The following DACH2 variants were observed in gnomAD, a reference collection of about 807,000 sequenced individuals.
DACH2 encodes dachshund family transcription factor 2.
A neutral mutation model predicts 35.8 loss-of-function variants in DACH2; 17 were observed. The observed-to-expected ratio is 0.48, with a 90% CI of 0.33 to 0.71. The LOEUF (loss-of-function observed/expected upper bound fraction) is 0.71, where lower values mean the gene tolerates loss of function less well. DACH2 is among the 30% of genes least tolerant of loss of function. The pLI is 0.02. For missense variants in DACH2, 469 were observed against 472.7 expected (o/e 0.99, Z 0.07); for synonymous variants, 195 against 177.3 (o/e 1.10, Z -0.79).
chrX:86,191,192 G>C (rs759925689), intron 1 of DACH2, among the ~76,000 whole-genome samples: 1 of 111,527 alleles, frequency 9.0e-6, no homozygotes, highest in South Asian at 3.8e-4. Flanking sequence ...GTTCATTCCA[G>C]CACCATTCAT....
chrX:86,501,502 C>A (rs1042701583), intron 2 of DACH2, among the ~76,000 whole-genome samples: 4 of 111,743 alleles, frequency 3.6e-5, no homozygotes, highest in Non-Finnish European at 7.5e-5. Context: ...AAAACCCCTT[C>A]CTTTCCTCAG....
chrX:86,738,252 T>C (rs931484428), intron 6 of DACH2, among the ~76,000 whole-genome samples: 1 of 111,719 alleles, frequency 9.0e-6, no homozygotes, highest in Admixed American at 9.6e-5. Context: ...GGAGGTGGCA[T>C]CACTGTGCCC....
intron 1 of DACH2, among the ~76,000 whole-genome samples, chrX:86,191,402 C>T (rs1051393705): frequency 9.0e-6 from 1 of 111,408 alleles, no homozygotes; most frequent in Non-Finnish European, 1.9e-5. Context: ...TGCATGTTCT[C>T]ACTTATAAGT....
At chrX:86,229,740 G>A (rs1246101008) in intron 1 of DACH2, among the ~76,000 whole-genome samples, 3 of 108,583 alleles carry the variant, frequency 2.8e-5, no homozygotes, top group Non-Finnish European at 3.8e-5. Flanking sequence ...TTGTGAAAGG[G>A]GTTGAGTTAT....
chrX:86,307,082 T>A (rs2034703659), intron 1 of DACH2, among the ~76,000 whole-genome samples: 1 of 112,008 alleles, frequency 8.9e-6, no homozygotes, highest in South Asian at 3.7e-4. Context: ...TTAGTGACTC[T>A]ACACATAATA....
intron 1 of DACH2, among the ~76,000 whole-genome samples, chrX:86,186,014 G>T: frequency 8.9e-6 from 1 of 112,492 alleles, no homozygotes; most frequent in Non-Finnish European, 1.9e-5. Context: ...TTTATTGCTA[G>T]TATCTTTTTA....
At chrX:86,150,310 TA>T (rs900160546) in intron 1 of DACH2, among the ~76,000 whole-genome samples, 2 of 111,825 alleles carry the variant, frequency 1.8e-5, no homozygotes, top group African/African-American at 6.5e-5. Flanking sequence ...AAAAATAAAA[TA>T]AAAAACCAAC....
At chrX:86,359,608 G>A (rs757819540) in intron 1 of DACH2, among the ~76,000 whole-genome samples, 1 of 110,886 alleles carries the variant, frequency 9.0e-6, no homozygotes, top group African/African-American at 3.3e-5. Context: ...AATTAACTGC[G>A]TACAGTGGTG....
rs1423583915 is a variant in DACH2, at chrX:86,359,089, G to A, written c.489-17735G>A. 8.5e-5 allele frequency among the ~76,000 whole-genome samples: 9 copies of A among 105,975 alleles called. No individual in the cohort carries two copies. The East Asian group carries it at 1.2e-3, about 14-fold the overall frequency. The allele number at this position is 105,975 out of a possible 115,157, so 92.0% of individuals were successfully genotyped here. ...ATAGAACCATTATATTTTGTCGTGT[G>A]TGTGTGTGTGTGTGTGTGTGTGTGT... is the stretch of plus-strand genomic sequence containing the variant. On this transcript the variant is annotated intron_variant, in intron 1 of 11. Transcript: ENST00000373125.
intron 7 of DACH2, among the ~76,000 whole-genome samples, chrX:86,772,381 C>A (rs1239250594): frequency 9.0e-6 from 1 of 111,294 alleles, no homozygotes; most frequent in Non-Finnish European, 1.9e-5. Flanking sequence ...GGTTTACAAA[C>A]CTAGTTTATT....
chrX:86,392,349 C>T (rs1388842957), intron 2 of DACH2, among the ~76,000 whole-genome samples: 1 of 111,354 alleles, frequency 9.0e-6, no homozygotes, highest in East Asian at 2.8e-4. Flanking sequence ...CACAAAGATA[C>T]CAACTATGAG....
intron 3 of DACH2, among the ~76,000 whole-genome samples, chrX:86,541,341 G>T (rs760324942): frequency 1.8e-5 from 2 of 110,984 alleles, no homozygotes; most frequent in South Asian, 7.4e-4. Flanking sequence ...GGCTCATTGT[G>T]GTCCATGTCT....
chrX:86,782,007 A>C (rs1266578198), intron 7 of DACH2, among the ~76,000 whole-genome samples: 1 of 112,423 alleles, frequency 8.9e-6, no homozygotes, highest in Non-Finnish European at 1.9e-5. Flanking sequence ...AAAGTAAACA[A>C]ACAAAAAGCA....
chrX:86,610,422 C>CTTTCTTTCTTTCTT (rs2039926899), intron 3 of DACH2, among the ~76,000 whole-genome samples: 6 of 45,888 alleles, frequency 1.3e-4, no homozygotes, highest in Middle Eastern at 0.01. Context: ...TCTTTCTTTT[C>CTTTCTTTCTTTCTT]TTTCTTTCTT....
intron 1 of DACH2, among the ~76,000 whole-genome samples, chrX:86,250,923 T>C (rs773883049): frequency 9.0e-6 from 1 of 111,456 alleles, no homozygotes; most frequent in South Asian, 3.8e-4. Flanking sequence ...ATCTCACTGC[T>C]GTTGTCTTAA....
chrX:86,613,771 A>G (rs769370099), intron 3 of DACH2, among the ~76,000 whole-genome samples: 45 of 111,760 alleles, frequency 4.0e-4, no homozygotes, highest in Non-Finnish European at 3.6e-4. Context: ...ATATATAAGC[A>G]TACATATCAA....
chrX:86,529,862 C>A (rs980296031), intron 3 of DACH2, among the ~76,000 whole-genome samples: 3 of 109,028 alleles, frequency 2.8e-5, no homozygotes, highest in Non-Finnish European at 3.8e-5. Context: ...TATCCCTTAA[C>A]GTAATGACCT....
intron 3 of DACH2, among the ~76,000 whole-genome samples, chrX:86,530,487 TTC>T (rs1211700289): frequency 9.1e-6 from 1 of 110,331 alleles, no homozygotes; most frequent in Non-Finnish European, 1.9e-5. Flanking sequence ...GGTACTTCCT[TTC>T]TCTCTCTCTT....
chrX:86,689,117 A>T (rs992499248), intron 4 of DACH2, among the ~76,000 whole-genome samples: 2 of 111,582 alleles, frequency 1.8e-5, no homozygotes, highest in Non-Finnish European at 3.8e-5. Context: ...AAAAGAGGAG[A>T]TAAACTAGTT....
Sources: allele counts gnomAD v4.1 joint callset (sites outside exome capture counted in the v4.1 genomes callset), GRCh38; gene constraint gnomAD v4.1.1; transcripts MANE v1.5; gene names NCBI Gene and HGNC (gene_info 2026-07-23, HGNC 2026-07-21).